The following NRDC variants were observed in gnomAD, a reference collection of about 807,000 sequenced individuals.
NRDC encodes the protein nardilysin convertase, also known as nardilysin.
In NRDC, 54 loss-of-function variants were observed where a neutral mutation model predicts 147.1. The ratio of observed to expected loss-of-function variants is 0.37; its 90% CI spans 0.29 to 0.46. The LOEUF is 0.46. NRDC is among the 20% of genes least tolerant of loss of function. NRDC has a pLI of 1.00. For synonymous variants in NRDC, 440 were observed against 482.1 expected, an observed-to-expected ratio of 0.91 and a Z score of 1.14; for missense variants, 1,082 against 1,370.6, an observed-to-expected ratio of 0.79 and a Z score of 3.33.
intron 26 of NRDC, 115 bp from the exon 27 acceptor site, chr1:51,791,776 C>A: frequency 1.2e-6 from 1 of 864,374 alleles, no homozygotes. Flanking sequence ...AACTGGAAGT[C>A]CTGAAACAGG....
chr1:51,875,771 C>T (rs1683294612), intron 1 of NRDC, among the ~76,000 whole-genome samples: 1 of 152,048 alleles, frequency 6.6e-6, no homozygotes, highest in African/African-American at 2.4e-5. Flanking sequence ...CCAGGCTGGT[C>T]TCGAAATCCT....
intron 2 of NRDC, among the ~76,000 whole-genome samples, chr1:51,836,912 G>C (rs1681006277): frequency 6.6e-6 from 1 of 150,608 alleles, no homozygotes; most frequent in African/African-American, 2.4e-5. Flanking sequence ...ATGGCCAAGA[G>C]GTACACCAAA....
In NRDC at chr1:51,806,780, G is replaced by A. The variant is rs1331015238; in HGVS notation, c.2110+14C>T. 2.5e-6 allele frequency: 4 copies of A among 1,611,134 alleles called. No individual in the cohort carries two copies. The highest frequency in any genetic ancestry group is 3.4e-6 in the Non-Finnish European group (4 of 1,178,520). ...GGAATTCAGCAGGGAAGTAACAGGA[G>A]GGCAACATTTTACCTTTGGGGATTT... On this transcript the variant is annotated intron_variant, in intron 18 of 30. Coordinates refer to ENST00000352171, the MANE Select transcript of NRDC (RefSeq NM_001101662.2).
At chr1:51,815,187 T>TC (rs934087517) in intron 11 of NRDC, among the ~76,000 whole-genome samples, 4 of 135,904 alleles carry the variant, frequency 2.9e-5, no homozygotes, top group Middle Eastern at 8.9e-3. Context: ...TTTTTCTTTT[T>TC]TTTTTTTTTT....
intron 14 of NRDC, 61 bp downstream of exon 14, chr1:51,813,974 T>C (rs1679842718): frequency 9.3e-7 from 1 of 1,071,266 alleles, no homozygotes; most frequent in African/African-American, 1.6e-5. Context: ...AGAGGAACAA[T>C]GTCTACACCA....
chr1:51,819,599 CA>C (rs151168172), intron 9 of NRDC, among the ~76,000 whole-genome samples, 200 bp downstream of exon 9: 39 of 152,254 alleles, frequency 2.6e-4, no homozygotes, highest in African/African-American at 9.1e-4. Context: ...AGCAGCAGGG[CA>C]CCAGAATCAA....
At chr1:51,819,716 T>C in intron 9 of NRDC, 84 bp downstream of exon 9, 1 of 1,068,252 alleles carries the variant, frequency 9.4e-7, no homozygotes, top group Non-Finnish European at 1.4e-6. Flanking sequence ...GTTCTCATTT[T>C]CAATGAAAAT....
At chr1:51,871,935 G>A (rs1338608759) in intron 1 of NRDC, among the ~76,000 whole-genome samples, 1 of 152,110 alleles carries the variant, frequency 6.6e-6, no homozygotes, top group African/African-American at 2.4e-5. Flanking sequence ...CAGTGGGCGC[G>A]ATCTTGACTC....
rs368870541 is a variant in NRDC, at chr1:51,823,752, C to T, written c.1071G>A (p.Lys357=). ...NAETLKHEPR[K]NNIDTHARLR... is the part of the protein sequence containing the mutation. ...ATCTAGCATGTGTATCAATATTATT[C>T]TTTCTTGGCTCATGCTTGAGCGTCT... The change falls in exon 7 of 31, where the codon AAG becomes AAA. Residue 357 remains lysine, a synonymous_variant. Coordinates refer to ENST00000352171, the MANE Select transcript of NRDC (RefSeq NM_001101662.2). 1.9e-6 allele frequency: 3 copies of T among 1,607,220 alleles called. No individual in the cohort carries two copies. Among genetic ancestry groups the T allele is most frequent in the African/African-American group, 2.7e-5 (2 of 74,916 alleles).
rs1222623013 is a variant in NRDC, at chr1:51,814,545, T to A, written c.1619+6A>T. Reference sequence around the variant, plus strand: ...TCCTGGCCTCATTCCAGGAAGTGTTTATTACCTTTTTTCTGGGCCTAGCTT... The same window carrying A: ...TCCTGGCCTCATTCCAGGAAGTGTTAATTACCTTTTTTCTGGGCCTAGCTT... On this transcript the variant is annotated splice_donor_region_variant and intron_variant, in intron 13 of 30. Coordinates refer to ENST00000352171, the MANE Select transcript of NRDC (RefSeq NM_001101662.2). 1.6e-5 allele frequency: 26 copies of A among 1,613,256 alleles called. No homozygotes were observed. Among genetic ancestry groups the A allele is most frequent in the African/African-American group, 2.7e-5 (2 of 74,902 alleles).
chr1:51,845,065 C>G (rs1004794062), intron 1 of NRDC, among the ~76,000 whole-genome samples: 3 of 152,146 alleles, frequency 2.0e-5, no homozygotes, highest in African/African-American at 7.2e-5. Flanking sequence ...CTTACCATGG[C>G]CTATACAATG....
chr1:51,850,981 A>C (rs1349188955), intron 1 of NRDC, among the ~76,000 whole-genome samples: 2 of 152,084 alleles, frequency 1.3e-5, no homozygotes, highest in African/African-American at 4.8e-5. Context: ...CGGCAACCAA[A>C]ATGGGACAAA....
At chr1:51,824,800 G>T (rs1680372992) in intron 6 of NRDC, among the ~76,000 whole-genome samples, 1 of 152,220 alleles carries the variant, frequency 6.6e-6, no homozygotes, top group African/African-American at 2.4e-5. Flanking sequence ...CTATCTGTGT[G>T]ATTTAAACAA....
At chr1:51,795,031 T>A in intron 22 of NRDC, 177 bp from the exon 23 acceptor site, 1 of 1,473,502 alleles carries the variant, frequency 6.8e-7, no homozygotes, top group Non-Finnish European at 9.0e-7. Context: ...ATTGATTGTG[T>A]TTGTGGAACA....
At position 51,823,736 on chromosome 1, in the gene NRDC, G is replaced by A; in HGVS notation, c.1087C>T (p.His363Tyr). 1.2e-6 allele frequency: 2 copies of A among 1,605,992 alleles called. No individual in the cohort carries two copies. Among genetic ancestry groups the A allele is most frequent in the Non-Finnish European group, 1.7e-6 (2 of 1,173,174 alleles). The change falls in exon 7 of 31, where the codon CAT (histidine) becomes TAT (tyrosine). Residue 363 changes from histidine to tyrosine, a missense_variant. Physicochemically the swap from His to Tyr is moderately conservative, Grantham distance 83 (BLOSUM62 2). This residue lies in a region of NRDC where 635 missense variants were observed against 923.8 expected (regional missense o/e 0.69). Coordinates refer to ENST00000352171, the MANE Select transcript of NRDC (RefSeq NM_001101662.2). ...HEPRKNNIDTHARLREFWMRY... is the reference protein window; with the variant it reads ...HEPRKNNIDTYARLREFWMRY... ...ATCCAGAATTCTCTCAATCTAGCAT[G>A]TGTATCAATATTATTCTTTCTTGGC...
chr1:51,798,399 A>G lies in NRDC; in HGVS notation c.2454T>C (p.Leu818=), dbSNP rs745802434. The G allele has an allele frequency of 1.5e-5, 24 of 1,613,856 alleles. No homozygotes were observed. Among genetic ancestry groups the G allele is most frequent in the Non-Finnish European group, 2.0e-5 (24 of 1,179,838 alleles). The change falls in exon 22 of 31, where the codon CTT becomes CTC. Residue 818 remains leucine, a synonymous_variant. Coordinates refer to ENST00000352171, the MANE Select transcript of NRDC (RefSeq NM_001101662.2). ...KPETLAKDVR[L]LILEYARWSM... is the part of the protein sequence containing the mutation. ...ACCAACGGGCATATTCCAAGATTAA[A>G]AGCCGTACATCTCTGTACAGAGGGC... is the stretch of plus-strand genomic sequence containing the variant.
rs544752317 is a variant in NRDC, at chr1:51,865,398, G to C, written c.341+12877C>G. Among the ~76,000 whole-genome samples, 6 of 151,350 alleles carry C rather than the reference G, an allele frequency of 4.0e-5. No homozygotes were observed. The East Asian group carries it at 1.2e-3, about 30-fold the overall frequency. ...TGGCTCATGCAACCTCCGCCTCCCC[G>C]GGTTCAAGCGATACTCCCACCTCAG... is the stretch of plus-strand genomic sequence containing the variant. On this transcript the variant is annotated intron_variant, in intron 1 of 30. Coordinates refer to ENST00000352171, the MANE Select transcript of NRDC (RefSeq NM_001101662.2).
At position 51,792,358 on chromosome 1, in the gene NRDC, A is replaced by G; in HGVS notation, c.2823+19T>C. The G allele has an allele frequency of 6.2e-7, 1 of 1,613,662 alleles. No individual in the cohort carries two copies. The highest frequency in any genetic ancestry group is 8.5e-7 in the Non-Finnish European group (1 of 1,179,592). The stretch of plus-strand genomic sequence containing the variant: ...GTCAGGGGCTGCTGAAAACCTCAGC[A>G]TCTCCTTTATGCACTTACCACAAGC... On this transcript the variant is annotated intron_variant, in intron 25 of 30. Coordinates refer to ENST00000352171, the MANE Select transcript of NRDC (RefSeq NM_001101662.2).
intron 1 of NRDC, among the ~76,000 whole-genome samples, chr1:51,848,303 G>A (rs189049972): frequency 1.6e-4 from 24 of 152,164 alleles, no homozygotes; most frequent in South Asian, 6.2e-4. Context: ...GTGAAACCCC[G>A]TCTCTACTAA....
Sources: allele counts gnomAD v4.1 joint callset (sites outside exome capture counted in the v4.1 genomes callset), GRCh38; gene constraint gnomAD v4.1.1; regional missense constraint gnomAD v4.1.1; transcripts MANE v1.5; gene names NCBI Gene and HGNC (gene_info 2026-07-23, HGNC 2026-07-21).